The following PA2G4 variants were observed in gnomAD, a reference collection of about 807,000 sequenced individuals.
PA2G4 encodes proliferation-associated 2G4.
Under a neutral mutation model 53.3 loss-of-function variants are expected in PA2G4, and 8 were observed. The observed-to-expected ratio is 0.15, with a 90% CI of 0.09 to 0.27. The LOEUF (loss-of-function observed/expected upper bound fraction) is 0.27. Among genes scored for constraint, PA2G4 ranks in the 10% least tolerant of loss-of-function variants. The pLI is 1.00. For missense variants in PA2G4, 208 were observed against 486.8 expected (o/e 0.43, Z 5.39); for synonymous variants, 143 against 169.8 (o/e 0.84, Z 1.23).
chr12:56,111,686 C>T lies in PA2G4; in HGVS notation c.1119+157C>T, dbSNP rs1011933114. ...GTAAACCCATCATAAATTGAAAATA[C>T]TGTAAGTCAAAATGGATTTTAAAAT... is the stretch of plus-strand genomic sequence containing the variant. On this transcript the variant is annotated intron_variant, in intron 12 of 12. Coordinates refer to ENST00000303305, the MANE Select transcript of PA2G4 (RefSeq NM_006191.3). Among the ~76,000 whole-genome samples, 2 of 142,788 alleles carry T rather than the reference C, an allele frequency of 1.4e-5. 1 individual carries two copies. The highest frequency in any genetic ancestry group is 5.0e-5 in the African/African-American group (2 of 40,256). 93.7% of individuals were successfully genotyped at this position (142,788 alleles called of 152,430 possible). A position where few individuals can be genotyped will look rare whatever the true frequency, so the allele number is the denominator to read the frequency against.
In PA2G4 at chr12:56,111,169, A is replaced by T; in HGVS notation, c.938-13A>T. ...GAACTTTTTATCAAAACACATCTTCATTTTTGCCATAGGTGAATTTGTTGC... is the reference window on the plus strand; with the variant it reads ...GAACTTTTTATCAAAACACATCTTCTTTTTTGCCATAGGTGAATTTGTTGC... On this transcript the variant is annotated splice_polypyrimidine_tract_variant and intron_variant, in intron 10 of 12. Coordinates refer to ENST00000303305, the MANE Select transcript of PA2G4 (RefSeq NM_006191.3). 1.2e-6 allele frequency: 2 copies of T among 1,614,194 alleles called. No individual in the cohort carries two copies. The highest frequency in any genetic ancestry group is 1.7e-6 in the Non-Finnish European group (2 of 1,180,014).
chr12:56,106,382 T>C (rs1869301608), intron 1 of PA2G4: 1 of 428,496 alleles, frequency 2.3e-6, no homozygotes, highest in Non-Finnish European at 4.0e-6. Context: ...CTTTGGAAAG[T>C]CTGAGGCCTT....
intron 1 of PA2G4, among the ~76,000 whole-genome samples, chr12:56,105,911 G>C (rs559529688): frequency 4.6e-5 from 7 of 152,150 alleles, no homozygotes; most frequent in Non-Finnish European, 7.4e-5. Context: ...AGCTTTCAAA[G>C]AATCACCAAA....
Position 56,111,003 on chromosome 12 carries a change from G to T in PA2G4, c.882G>T (p.Val294=). ...EDEKKARMGV[V]ECAKHELLQP... ...AGAAGAAGGCTCGGATGGGTGTGGT[G>T]GAGTGCGCCAAACATGAACTGCTGC... Residue 294 remains valine, a synonymous_variant, in exon 10 of 13, where the codon GTG becomes GTT. Coordinates refer to ENST00000303305, the MANE Select transcript of PA2G4 (RefSeq NM_006191.3). The T allele has an allele frequency of 6.2e-7, 1 of 1,613,394 alleles. No homozygotes were observed. Among genetic ancestry groups the T allele is most frequent in the Non-Finnish European group, 8.5e-7 (1 of 1,180,024 alleles).
In PA2G4 at chr12:56,106,718, TAAA is replaced by T. The variant is rs34728522; in HGVS notation, c.217+12_217+14del. The T allele has an allele frequency of 1.5e-6, 2 of 1,363,466 alleles. No homozygotes were observed. Among genetic ancestry groups the T allele is most frequent in the Non-Finnish European group, 2.0e-6 (2 of 1,003,172 alleles). 84.5% of individuals were successfully genotyped at this position (1,363,466 alleles called of 1,614,324 possible). ...AGAAAGAAAAGGAAATGAAGAAAGG[TAAA>T]AAAAAAAAATCCCTCACTAATTTTC... is the stretch of plus-strand genomic sequence containing the variant. On this transcript the variant is annotated splice_donor_5th_base_variant and intron_variant, in intron 2 of 12. Coordinates refer to ENST00000303305, the MANE Select transcript of PA2G4 (RefSeq NM_006191.3).
At chr12:56,106,916 C>A (rs1242312658) in intron 2 of PA2G4, 74 bp from the exon 3 acceptor site, 5 of 1,354,244 alleles carry the variant, frequency 3.7e-6, no homozygotes. Flanking sequence ...TGAAAAAATC[C>A]TTCTACATTT....
chr12:56,104,847 G>A, intron 1 of PA2G4, 22 bp downstream of exon 1: 2 of 1,590,646 alleles, frequency 1.3e-6, no homozygotes, highest in Non-Finnish European at 8.6e-7. Context: ...CTCGGGGGTC[G>A]GGGAATCAAG....
chr12:56,110,286 G>A lies in PA2G4; in HGVS notation c.630-113G>A. On this transcript the variant is annotated intron_variant, in intron 7 of 12. Coordinates refer to ENST00000303305, the MANE Select transcript of PA2G4 (RefSeq NM_006191.3). Reference sequence around the variant, plus strand: ...GAGGCAGGAGAGTTGCTTGGACCCGGGAGGTGGAGGTTGCAGTGAGCTGAG... The same window carrying A: ...GAGGCAGGAGAGTTGCTTGGACCCGAGAGGTGGAGGTTGCAGTGAGCTGAG... 24 of 687,368 alleles carry A rather than the reference G, an allele frequency of 3.5e-5. No homozygotes were observed. In the South Asian group the frequency reaches 4.0e-4, roughly 11 times the overall value. 42.6% of individuals were successfully genotyped at this position (687,368 alleles called of 1,614,324 possible). A position where few individuals can be genotyped will look rare whatever the true frequency, so the allele number is the denominator to read the frequency against.
intron 1 of PA2G4, among the ~76,000 whole-genome samples, chr12:56,105,671 C>T (rs1480283038): frequency 6.6e-6 from 1 of 152,218 alleles, no homozygotes; most frequent in African/African-American, 2.4e-5. Flanking sequence ...AGGATTTTCA[C>T]AAGTCATCCT....
chr12:56,105,830 A>C lies in PA2G4; in HGVS notation c.89-758A>C, dbSNP rs542022740. On this transcript the variant is annotated intron_variant, in intron 1 of 12. Transcript: ENST00000303305. Reference sequence around the variant, plus strand: ...TGTCATTGTGCTTTTAAATGGTTTTAACAGCAAAGATGGTGGGGAACAGGT... The same window carrying C: ...TGTCATTGTGCTTTTAAATGGTTTTCACAGCAAAGATGGTGGGGAACAGGT... 1.3e-4 allele frequency among the ~76,000 whole-genome samples: 20 copies of C among 152,314 alleles called. No homozygotes were observed. The South Asian group carries it at 4.1e-3, about 32-fold the overall frequency.
intron 6 of PA2G4, among the ~76,000 whole-genome samples, chr12:56,109,629 CAAAAA>C (rs34060703): frequency 1.2e-5 from 1 of 84,846 alleles, no homozygotes. Context: ...TCCTCCATCT[CAAAAA>C]AAAAAAAAAA....
At chr12:56,108,551 T>C (rs1395621694) in intron 5 of PA2G4, among the ~76,000 whole-genome samples, 1 of 152,230 alleles carries the variant, frequency 6.6e-6, no homozygotes, top group Non-Finnish European at 1.5e-5. Flanking sequence ...AACACTAATA[T>C]AAAATAGGCA....
In PA2G4 at chr12:56,110,485, G is replaced by A. The variant is rs1442959838; in HGVS notation, c.708+8G>A. The A allele has an allele frequency of 2.5e-6, 4 of 1,613,260 alleles. No individual in the cohort carries two copies. Among genetic ancestry groups the A allele is most frequent in the East Asian group, 4.5e-5 (2 of 44,886 alleles). On this transcript the variant is annotated splice_region_variant and intron_variant, in intron 8 of 12. Transcript: ENST00000303305. ...AGCTCAGGAGAGGGCAAGGTGAGGA[G>A]AGTACCAGAGTTGGCAAAGAGGGGT... is the stretch of plus-strand genomic sequence containing the variant.
Position 56,111,207 on chromosome 12 carries a change from T to C in PA2G4, c.963T>C (p.Phe321=), listed in dbSNP as rs74519150. The C allele has an allele frequency of 2.6e-3, 4,150 of 1,614,182 alleles. 9 individuals are homozygous for C. The highest frequency in any genetic ancestry group is 3.3e-3 in the Non-Finnish European group (3,886 of 1,180,022). Reference sequence around the variant, plus strand: ...GTGAATTTGTTGCCCAGTTTAAATTTACAGTTCTGCTCATGCCCAATGGCC... The same window carrying C: ...GTGAATTTGTTGCCCAGTTTAAATTCACAGTTCTGCTCATGCCCAATGGCC... ...KEGEFVAQFK[F]TVLLMPNGPM... is the part of the protein sequence containing the mutation. Residue 321 remains phenylalanine, a synonymous_variant, in exon 11 of 13, where the codon TTT becomes TTC. Transcript: ENST00000303305.
intron 12 of PA2G4, 21 bp from the exon 13 acceptor site, chr12:56,112,802 C>T: frequency 1.3e-6 from 2 of 1,538,232 alleles, no homozygotes; most frequent in Non-Finnish European, 8.9e-7. Flanking sequence ...GGTCTTCTCC[C>T]TCTCCTTTTC....
intron 1 of PA2G4, chr12:56,106,308 G>C (rs1869300118): frequency 3.6e-6 from 1 of 280,122 alleles, no homozygotes. Context: ...GCGTGTATGT[G>C]GGGATACCAT....
Position 56,113,847 on chromosome 12 carries a change from T to C in PA2G4, c.*959T>C, listed in dbSNP as rs769898514. 9 of 702,156 alleles carry C rather than the reference T, an allele frequency of 1.3e-5. No homozygotes were observed. The highest frequency in any genetic ancestry group is 5.9e-5 in the South Asian group (4 of 67,568). 43.5% of individuals were successfully genotyped at this position (702,156 alleles called of 1,614,324 possible). A position where few individuals can be genotyped will look rare whatever the true frequency, so the allele number is the denominator to read the frequency against. On this transcript the variant is annotated 3_prime_UTR_variant, in exon 13 of 13. Coordinates refer to ENST00000303305, the MANE Select transcript of PA2G4 (RefSeq NM_006191.3). ...GGAAACTAGGGCTCCCACTAACTTA[T>C]GAGGTTTTTAAACACATTGAAAATG...
intron 1 of PA2G4, 181 bp downstream of exon 1, chr12:56,105,006 C>T (rs905220660): frequency 1.5e-5 from 11 of 718,146 alleles, no homozygotes; most frequent in African/African-American, 8.7e-5. Context: ...CGGGCAGGCC[C>T]AGGCTGAAGT....
intron 2 of PA2G4, 53 bp from the exon 3 acceptor site, chr12:56,106,937 C>A: frequency 6.8e-7 from 1 of 1,466,238 alleles, no homozygotes; most frequent in Non-Finnish European, 9.5e-7. Flanking sequence ...CTGAAGGGCA[C>A]TAGGGCTCCC....
Sources: gnomAD v4.1 joint callset for allele counts (sites outside exome capture counted in the v4.1 genomes callset) on GRCh38, gnomAD v4.1.1 for gene constraint, MANE v1.5 for transcripts, NCBI Gene and HGNC (gene_info 2026-07-23, HGNC 2026-07-21) for gene names.